Variants in DPT observed in about 807,000 individuals in gnomAD.
DPT encodes tyrosine-rich acidic matrix protein.
A neutral mutation model predicts 31.2 loss-of-function variants in DPT; 21 were observed. The ratio of observed to expected loss-of-function variants is 0.67; its 90% confidence interval spans 0.48 to 0.97. The LOEUF is 0.97. DPT is among the 50% of genes least tolerant of loss of function. DPT has a pLI of 0.00. For missense variants in DPT, 262 were observed against 258.8 expected, an observed-to-expected ratio of 1.01 and a Z score of -0.08; for synonymous variants, 91 against 86.9, an observed-to-expected ratio of 1.05 and a Z score of -0.26.
At position 168,696,159 on chromosome 1, in the gene DPT, C is replaced by G. The variant is rs1337009709; in HGVS notation, c.*390G>C. 2 of 417,854 alleles carry G rather than the reference C, an allele frequency of 4.8e-6. No homozygotes were observed. The highest frequency in any genetic ancestry group is 8.4e-6 in the Non-Finnish European group (2 of 237,512). The allele number at this position is 417,854 out of a possible 1,614,324, so 25.9% of individuals were successfully genotyped here. A position where few individuals can be genotyped will look rare whatever the true frequency, so the allele number is the denominator to read the frequency against. On this transcript the variant is annotated 3_prime_UTR_variant, in exon 4 of 4. Coordinates refer to ENST00000367817, the MANE Select transcript of DPT (RefSeq NM_001937.5). ...GCTGTAGAGAACCTTCACTGCACCTCTCCTCCAGTTCTGCCTCTCCCCTCC... is the reference window on the plus strand; with the variant it reads ...GCTGTAGAGAACCTTCACTGCACCTGTCCTCCAGTTCTGCCTCTCCCCTCC...
intron 1 of DPT, among the ~76,000 whole-genome samples, chr1:168,721,296 C>T (rs546335804): frequency 6.6e-6 from 1 of 152,156 alleles, no homozygotes; most frequent in Admixed American, 6.5e-5. Context: ...ATATTTATAC[C>T]TACTTCTGTA....
chr1:168,719,384 C>T (rs1650050000), intron 1 of DPT, among the ~76,000 whole-genome samples: 1 of 152,200 alleles, frequency 6.6e-6, no homozygotes, highest in South Asian at 2.1e-4. Flanking sequence ...GGATTACAAA[C>T]ACAGAGCTAG....
chr1:168,719,515 T>C (rs1420248434), intron 1 of DPT, among the ~76,000 whole-genome samples: 6 of 152,126 alleles, frequency 3.9e-5, no homozygotes, highest in Non-Finnish European at 7.4e-5. Context: ...ACTAATGCTC[T>C]GACTCACTTC....
rs1225839708 is a variant in DPT, at chr1:168,696,233, CT to C, written c.*315del. 2.3e-6 allele frequency: 1 copy of C among 433,102 alleles called. No individual in the cohort carries two copies. Among genetic ancestry groups the C allele is most frequent in the Non-Finnish European group, 4.0e-6 (1 of 247,254 alleles). 26.8% of individuals were successfully genotyped at this position (433,102 alleles called of 1,614,324 possible). A position where few individuals can be genotyped will look rare whatever the true frequency, so the allele number is the denominator to read the frequency against. ...TCTGCAGTAAAAAGCAGTAGCCAGGCTGCAGCTGGTGCTCCAGAAGCCCGGC... is the reference window on the plus strand; with the variant it reads ...TCTGCAGTAAAAAGCAGTAGCCAGGCGCAGCTGGTGCTCCAGAAGCCCGGC... On this transcript the variant is annotated 3_prime_UTR_variant, in exon 4 of 4. Transcript: ENST00000367817.
chr1:168,722,849 A>AACACACAC (rs10585221), intron 1 of DPT, among the ~76,000 whole-genome samples: 2 of 149,718 alleles, frequency 1.3e-5, no homozygotes, highest in African/African-American at 4.9e-5. Flanking sequence ...CCCTCAAAGA[A>AACACACAC]ACACACACAC....
intron 1 of DPT, among the ~76,000 whole-genome samples, chr1:168,714,768 G>T (rs532335827): frequency 6.6e-6 from 1 of 152,218 alleles, no homozygotes; most frequent in African/African-American, 2.4e-5. Flanking sequence ...ACGTATTGAT[G>T]AATTTCAAAT....
rs367817926 is a variant in DPT, at chr1:168,715,361, A to G, written c.306-1015T>C. Among the ~76,000 whole-genome samples, 9 of 151,972 alleles carry G rather than the reference A, an allele frequency of 5.9e-5. No individual in the cohort carries two copies. The East Asian group carries it at 9.8e-4, about 16-fold the overall frequency. ...CTTCCCACTTTTTGCTGTGATGATA[A>G]CACTATTTTCTACCTGACCACAGTG... is the stretch of plus-strand genomic sequence containing the variant. On this transcript the variant is annotated intron_variant, in intron 1 of 3. Transcript: ENST00000367817.
chr1:168,697,749 C>A (rs1405662297), intron 3 of DPT, among the ~76,000 whole-genome samples: 3 of 152,202 alleles, frequency 2.0e-5, no homozygotes, highest in Non-Finnish European at 2.9e-5. Context: ...TTAATCCTCA[C>A]AACGATTCAT....
At chr1:168,706,119 G>A (rs1649712707) in intron 2 of DPT, among the ~76,000 whole-genome samples, 1 of 152,296 alleles carries the variant, frequency 6.6e-6, no homozygotes, top group East Asian at 1.9e-4. Context: ...CAAGATAATA[G>A]AATACTGTAT....
At chr1:168,713,753 A>AT (rs923090457) in intron 2 of DPT, among the ~76,000 whole-genome samples, 11 of 151,886 alleles carry the variant, frequency 7.2e-5, no homozygotes, top group African/African-American at 2.7e-4. Context: ...TTAATATTTT[A>AT]TTTTTTCTGT....
intron 2 of DPT, among the ~76,000 whole-genome samples, chr1:168,713,292 G>A (rs901521012): frequency 9.2e-5 from 14 of 152,084 alleles, no homozygotes; most frequent in Admixed American, 5.9e-4. Context: ...ATTTACTATC[G>A]GTCCTTACTT....
intron 2 of DPT, among the ~76,000 whole-genome samples, chr1:168,709,092 T>A (rs1205499233): frequency 2.6e-5 from 4 of 152,166 alleles, no homozygotes; most frequent in African/African-American, 9.7e-5. Flanking sequence ...GTTACCTAAA[T>A]GGATGCATTA....
intron 2 of DPT, among the ~76,000 whole-genome samples, chr1:168,709,711 G>C (rs1490603094): frequency 6.6e-6 from 1 of 152,220 alleles, no homozygotes; most frequent in South Asian, 2.1e-4. Context: ...GCCTTTCAAA[G>C]AGGGAAGGGG....
intron 2 of DPT, among the ~76,000 whole-genome samples, chr1:168,708,047 G>T (rs1395301985): frequency 6.6e-6 from 1 of 152,166 alleles, no homozygotes; most frequent in African/African-American, 2.4e-5. Flanking sequence ...TGTAGCATTT[G>T]CACATAACCT....
chr1:168,718,483 C>T (rs892657762), intron 1 of DPT, among the ~76,000 whole-genome samples: 9 of 152,222 alleles, frequency 5.9e-5, no homozygotes, highest in Admixed American at 3.3e-4. Context: ...CCTCCTCCTC[C>T]GGCTTTGGTT....
intron 2 of DPT, among the ~76,000 whole-genome samples, chr1:168,713,900 A>G (rs777385758): frequency 2.0e-5 from 3 of 152,130 alleles, no homozygotes; most frequent in Non-Finnish European, 2.9e-5. Context: ...GAGAAGGAGA[A>G]CAGCACTGGG....
chr1:168,714,031 G>T (rs1336410898), intron 2 of DPT, among the ~76,000 whole-genome samples, 190 bp downstream of exon 2: 1 of 152,124 alleles, frequency 6.6e-6, no homozygotes, highest in African/African-American at 2.4e-5. Context: ...AAGGATGTGG[G>T]GGGTTGGATA....
intron 1 of DPT, among the ~76,000 whole-genome samples, chr1:168,726,503 C>T (rs992055844): frequency 6.6e-6 from 1 of 152,212 alleles, no homozygotes; most frequent in Admixed American, 6.5e-5. Flanking sequence ...CCTGACTGCT[C>T]ACTTTCCAAA....
rs1649458398 is a variant in DPT, at chr1:168,696,035, G to A, written c.*514C>T. On this transcript the variant is annotated 3_prime_UTR_variant, in exon 4 of 4. Transcript: ENST00000367817. ...AAGAGCTCTGCACTTGGATTGCTAA[G>A]CATGCATGGCTCATGTGGAGCAGGG... 5.1e-6 allele frequency: 2 copies of A among 395,882 alleles called. No individual in the cohort carries two copies. Among genetic ancestry groups the A allele is most frequent in the Admixed American group, 4.4e-5 (1 of 22,778 alleles). 24.5% of individuals were successfully genotyped at this position (395,882 alleles called of 1,614,324 possible).
Sources: allele counts gnomAD v4.1 joint callset (sites outside exome capture counted in the v4.1 genomes callset), GRCh38; gene constraint gnomAD v4.1.1; transcripts MANE v1.5; gene names NCBI Gene and HGNC (gene_info 2026-07-23, HGNC 2026-07-21).